CCN3: variants seen among roughly 807,000 people sequenced by gnomAD.
CCN3 encodes CCN family member 3.
CCN3 carries 20 observed loss-of-function variants against 33.4 expected under a neutral mutation model. That is an observed-to-expected ratio of 0.60 (90% CI 0.42 to 0.87). The LOEUF (loss-of-function observed/expected upper bound fraction) is 0.87, where lower values mean the gene tolerates loss of function less well. Among genes scored for constraint, CCN3 ranks in the 40% least tolerant of loss-of-function variants. The pLI is 0.00. For missense variants in CCN3, 465 were observed against 455.3 expected, an observed-to-expected ratio of 1.02 and a Z score of -0.19; for synonymous variants, 205 against 170.4, an observed-to-expected ratio of 1.20 and a Z score of -1.58.
In CCN3 at chr8:119,416,541, T is replaced by C. The variant is rs748761430; in HGVS notation, c.9T>C (p.Ser3=). The C allele has an allele frequency of 1.9e-6, 3 of 1,613,728 alleles. No homozygotes were observed. The African/African-American group carries it at 4.0e-5, about 22-fold the overall frequency. Residue 3 remains serine, a synonymous_variant, in exon 1 of 5, where the codon AGT becomes AGC. Transcript: ENST00000259526. Reference sequence around the variant, plus strand: ...GAGGGGAAAGCCTGAGCATGCAGAGTGTGCAGAGCACGAGCTTTTGTCTCC... The same window carrying C: ...GAGGGGAAAGCCTGAGCATGCAGAGCGTGCAGAGCACGAGCTTTTGTCTCC... MQ[S]VQSTSFCLRK...
chr8:119,422,637 G>T (rs192101089), intron 4 of CCN3, among the ~76,000 whole-genome samples, 199 bp from the exon 5 acceptor site: 11 of 152,252 alleles, frequency 7.2e-5, no homozygotes, highest in Admixed American at 2.6e-4. Context: ...TTGCCACAAG[G>T]TTATCCCAAG....
intron 3 of CCN3, among the ~76,000 whole-genome samples, chr8:119,418,699 A>C (rs1362300414): frequency 6.6e-6 from 1 of 152,104 alleles, no homozygotes; most frequent in Admixed American, 6.5e-5. Flanking sequence ...CTCATGATTA[A>C]CCTCCTTAAA....
chr8:119,421,015 T>TC (rs1820116077), intron 4 of CCN3, among the ~76,000 whole-genome samples: 2 of 136,530 alleles, frequency 1.5e-5, no homozygotes, highest in African/African-American at 5.6e-5. Context: ...GTGGTTCTTT[T>TC]TTTTTTTTTT....
At chr8:119,419,998 A>T (rs183160202) in intron 4 of CCN3, 14 of 152,426 alleles carry the variant, frequency 9.2e-5, no homozygotes, top group Admixed American at 8.5e-4. Flanking sequence ...GCAGTTCAGA[A>T]GCTCTGATTG....
chr8:119,421,297 C>T (rs968799267), intron 4 of CCN3, among the ~76,000 whole-genome samples: 1 of 152,138 alleles, frequency 6.6e-6, no homozygotes, highest in African/African-American at 2.4e-5. Flanking sequence ...GCCTGAGCCA[C>T]CGCGCCCGGC....
chr8:119,423,171 C>CTG lies in CCN3; in HGVS notation c.*40_*41dup. On this transcript the variant is annotated 3_prime_UTR_variant, in exon 5 of 5. Coordinates refer to ENST00000259526, the MANE Select transcript of CCN3 (RefSeq NM_002514.4). ...AAGCACACCTACAGAGCACCTGTAGCTGCTGCGCCACCCACCATCAAAGGA... is the reference window on the plus strand; with the variant it reads ...AAGCACACCTACAGAGCACCTGTAGCTGTGCTGCGCCACCCACCATCAAAGGA... 1 of 1,522,512 alleles carries CTG rather than the reference C, an allele frequency of 6.6e-7. No homozygotes were observed. Among genetic ancestry groups the CTG allele is most frequent in the Non-Finnish European group, 9.0e-7 (1 of 1,111,328 alleles). The allele number at this position is 1,522,512 out of a possible 1,614,324, so 94.3% of individuals were successfully genotyped here.
rs750951835 is a variant in CCN3 at position 119,416,779 on chromosome 8, G to A, written c.120G>A (p.Pro40=). The A allele has an allele frequency of 3.1e-6, 5 of 1,595,974 alleles. No homozygotes were observed. The highest frequency in any genetic ancestry group is 1.7e-5 in the Admixed American group (1 of 57,580). The change falls in exon 2 of 5, where the codon CCG becomes CCA. Residue 40 remains proline, a synonymous_variant. Transcript: ENST00000259526. The part of the protein sequence containing the change: ...AATQRCPPQC[P]GRCPATPPTC... ...CTCAGCGCTGCCCTCCCCAGTGCCC[G>A]GGCCGGTGCCCTGCGACGCCGCCGA...
rs1284901224 is a variant in CCN3, at chr8:119,416,526, C to T, written c.-7C>T. ...GTTTGGTAAAAGCGAGAGGGGAAAGCCTGAGCATGCAGAGTGTGCAGAGCA... is the reference window on the plus strand; with the variant it reads ...GTTTGGTAAAAGCGAGAGGGGAAAGTCTGAGCATGCAGAGTGTGCAGAGCA... On this transcript the variant is annotated 5_prime_UTR_variant, in exon 1 of 5. Transcript: ENST00000259526. 1 of 1,613,498 alleles carries T rather than the reference C, an allele frequency of 6.2e-7. No individual in the cohort carries two copies. The highest frequency in any genetic ancestry group is 2.2e-5 in the East Asian group (1 of 44,874).
intron 4 of CCN3, among the ~76,000 whole-genome samples, chr8:119,420,836 A>G (rs1820113168): frequency 6.6e-6 from 1 of 152,028 alleles, no homozygotes; most frequent in African/African-American, 2.4e-5. Flanking sequence ...GGCTTTTTCT[A>G]TTGTGTCATT....
chr8:119,417,975 A>G, intron 2 of CCN3, 83 bp from the exon 3 acceptor site: 4 of 1,437,932 alleles, frequency 2.8e-6, no homozygotes, highest in Non-Finnish European at 3.8e-6. Context: ...TGCCCTCCAA[A>G]TCTTACATAG....
In CCN3 at chr8:119,423,096, G is replaced by C; in HGVS notation, c.1038G>C (p.Gln346His). The C allele has an allele frequency of 6.2e-7, 1 of 1,614,124 alleles. No homozygotes were observed. ...CTAAGAACAATGAGGCCTTCCTCCAGGAGCTGGAGCTGAAGACTACCAGAG... is the reference window on the plus strand; with the variant it reads ...CTAAGAACAATGAGGCCTTCCTCCACGAGCTGGAGCTGAAGACTACCAGAG... ...NCPKNNEAFL[Q>H]ELELKTTRGK... Residue 346 changes from glutamine (Q) to histidine (H), a missense_variant, in exon 5 of 5, where the codon CAG becomes CAC. Coordinates refer to ENST00000259526, the MANE Select transcript of CCN3 (RefSeq NM_002514.4).
chr8:119,416,661 C>G, intron 1 of CCN3, 45 bp downstream of exon 1: 1 of 1,599,012 alleles, frequency 6.3e-7, no homozygotes, highest in South Asian at 1.1e-5. Context: ...CTTTGCCCGC[C>G]TTGGTGGCCC....
chr8:119,416,496 G>C lies in CCN3; in HGVS notation c.-37G>C. 6.3e-7 allele frequency: 1 copy of C among 1,595,312 alleles called. No homozygotes were observed. The highest frequency in any genetic ancestry group is 8.6e-7 in the Non-Finnish European group (1 of 1,164,852). ...GCAGTGCCAATCTACAGCGAAGAAA[G>C]TCTCGTTTGGTAAAAGCGAGAGGGG... is the stretch of plus-strand genomic sequence containing the variant. On this transcript the variant is annotated 5_prime_UTR_variant, in exon 1 of 5. Coordinates refer to ENST00000259526, the MANE Select transcript of CCN3 (RefSeq NM_002514.4).
rs762578372 is a variant in CCN3 at position 119,423,082 on chromosome 8, G to A, written c.1024G>A (p.Glu342Lys). ...TCHTNCPKNN[E>K]AFLQELELKT... is the part of the protein sequence containing the mutation. ...TCACACCAACTGTCCTAAGAACAAT[G>A]AGGCCTTCCTCCAGGAGCTGGAGCT... The change falls in exon 5 of 5, where the codon GAG (glutamate) becomes AAG (lysine). Residue 342 changes from glutamate (E) to lysine (K), a missense_variant. Glu to Lys is a moderately conservative substitution (Grantham distance 56). Transcript: ENST00000259526. 5 of 1,614,146 alleles carry A rather than the reference G, an allele frequency of 3.1e-6. No individual in the cohort carries two copies. Among genetic ancestry groups the A allele is most frequent in the Non-Finnish European group, 4.2e-6 (5 of 1,180,022 alleles).
At chr8:119,420,574 C>A (rs1278423186) in intron 4 of CCN3, among the ~76,000 whole-genome samples, 5 of 152,126 alleles carry the variant, frequency 3.3e-5, no homozygotes, top group African/African-American at 4.8e-5. Flanking sequence ...CTAGGAGATG[C>A]ACTTCCCCAC....
At chr8:119,422,704 T>C in intron 4 of CCN3, 132 bp from the exon 5 acceptor site, 1 of 775,574 alleles carries the variant, frequency 1.3e-6, no homozygotes, top group Non-Finnish European at 2.1e-6. Context: ...TCAAGCAAAA[T>C]TAATGTTCTG....
In CCN3 at chr8:119,423,001, T is replaced by C; in HGVS notation, c.943T>C (p.Cys315Arg). 1 of 1,614,136 alleles carries C rather than the reference T, an allele frequency of 6.2e-7. No individual in the cohort carries two copies. Among genetic ancestry groups the C allele is most frequent in the Non-Finnish European group, 8.5e-7 (1 of 1,180,028 alleles). The change falls in exon 5 of 5, where the codon TGC becomes CGC. Residue 315 changes from cysteine (C) to arginine (R), a missense_variant. Coordinates refer to ENST00000259526, the MANE Select transcript of CCN3 (RefSeq NM_002514.4). ...NTKTIQAEFQ[C>R]SPGQIVKKPV... Reference sequence around the variant, plus strand: ...CAAAACCATCCAGGCAGAGTTTCAGTGCTCCCCAGGGCAAATAGTCAAGAA... The same window carrying C: ...CAAAACCATCCAGGCAGAGTTTCAGCGCTCCCCAGGGCAAATAGTCAAGAA...
At position 119,419,214 on chromosome 8, in the gene CCN3, T is replaced by C; in HGVS notation, c.646T>C (p.Cys216Arg). The change falls in exon 4 of 5, where the codon TGC (cysteine) becomes CGC (arginine). Residue 216 changes from cysteine (C) to arginine (R), a missense_variant. Cys to Arg is a radical substitution (Grantham distance 180). Transcript: ENST00000259526. ...TGAACAGACCACAGAGTGGACAGCA[T>C]GCTCCAAGAGCTGTGGTATGGGGTT... ...CIEQTTEWTA[C>R]SKSCGMGFST... The C allele has an allele frequency of 6.2e-7, 1 of 1,614,228 alleles. No individual in the cohort carries two copies. Among genetic ancestry groups the C allele is most frequent in the Non-Finnish European group, 8.5e-7 (1 of 1,180,032 alleles).
At chr8:119,420,314 AC>A (rs1317526141) in intron 4 of CCN3, among the ~76,000 whole-genome samples, 1 of 152,212 alleles carries the variant, frequency 6.6e-6, no homozygotes, top group Non-Finnish European at 1.5e-5. Context: ...GGCTGAAAGT[AC>A]CTACCTTAAC....
Sources: gnomAD v4.1 joint callset for allele counts (sites outside exome capture counted in the v4.1 genomes callset) on GRCh38, gnomAD v4.1.1 for gene constraint, MANE v1.5 for transcripts, NCBI Gene and HGNC (gene_info 2026-07-23, HGNC 2026-07-21) for gene names.